Variants in ODAD2 observed in about 807,000 individuals in gnomAD.
ODAD2 encodes the protein outer dynein arm-docking complex subunit 2.
ODAD2 carries 89 observed loss-of-function variants against 106.8 expected under a neutral mutation model. That is an observed-to-expected ratio of 0.83 (90% CI 0.70 to 0.99). The LOEUF (loss-of-function observed/expected upper bound fraction) is 0.99, where lower values mean the gene tolerates loss of function less well. Ranked by LOEUF, ODAD2 falls within the 50% of genes least tolerant of loss-of-function variation. The probability of loss-of-function intolerance (pLI) is 0.00; values close to 1 mark genes in which losing one functional copy is unlikely to be tolerated. For missense variants in ODAD2, 1,168 were observed against 1,238.5 expected (o/e 0.94, Z 0.85); for synonymous variants, 404 against 436.2 (o/e 0.93, Z 0.92).
At chr10:27,861,892 A>G (rs750520389) in intron 18 of ODAD2, among the ~76,000 whole-genome samples, 1 of 152,212 alleles carries the variant, frequency 6.6e-6, no homozygotes. Context: ...TTTCTGCTCT[A>G]TGACTTTTCT....
rs958936537 is a variant in ODAD2 at position 27,934,913 on chromosome 10, C to G, written c.2495+97G>C. 2.1e-6 allele frequency: 3 copies of G among 1,405,036 alleles called. No homozygotes were observed. The South Asian group carries it at 3.9e-5, about 18-fold the overall frequency. 87.0% of individuals were successfully genotyped at this position (1,405,036 alleles called of 1,614,324 possible). A position where few individuals can be genotyped will look rare whatever the true frequency, so the allele number is the denominator to read the frequency against. ...TGACACACTGTATTTTTTCATCATT[C>G]GTGCACATCAATTCTAAGTGATGAC... On this transcript the variant is annotated intron_variant, in intron 16 of 19. Transcript: ENST00000305242.
intron 16 of ODAD2, among the ~76,000 whole-genome samples, chr10:27,908,086 G>A (rs1215145393): frequency 3.3e-5 from 5 of 151,970 alleles, no homozygotes; most frequent in Non-Finnish European, 7.4e-5. Context: ...GTAAAAATAC[G>A]GGTTTCTTTC....
intron 2 of ODAD2, among the ~76,000 whole-genome samples, chr10:27,993,974 A>ATATATATGTG (rs369833558): frequency 1.4e-4 from 20 of 140,618 alleles, no homozygotes; most frequent in East Asian, 6.3e-4. Context: ...ATATATATAT[A>ATATATATGTG]TGTGTGTGTG....
chr10:27,940,637 C>A lies in ODAD2; in HGVS notation c.1912G>T (p.Ala638Ser), dbSNP rs773189950. 3.1e-6 allele frequency: 5 copies of A among 1,613,970 alleles called. No homozygotes were observed. In the Admixed American group the frequency reaches 8.3e-5, roughly 27 times the overall value. ...TCATGAGAAGTCTTCAGCAGCCGAG[C>A]CAACAGAGGAATGCCCCCAGCTTTG... ...IRKAGGIPLL[A>S]RLLKTSHENM... Residue 638 changes from alanine (A) to serine (S), a missense_variant, in exon 13 of 20, where the codon GCT becomes TCT. Around this residue, in one of 3 missense-constraint regions of ODAD2, gnomAD observed 701 missense variants for 712.3 expected, o/e 0.98. Transcript: ENST00000305242.
intron 17 of ODAD2, among the ~76,000 whole-genome samples, chr10:27,887,304 A>G (rs901348801): frequency 6.6e-6 from 1 of 152,070 alleles, no homozygotes; most frequent in Non-Finnish European, 1.5e-5. Flanking sequence ...GGATGTAATA[A>G]TTACAAACAT....
intron 10 of ODAD2, among the ~76,000 whole-genome samples, chr10:27,951,561 G>A (rs991992664): frequency 5.9e-5 from 9 of 151,878 alleles, no homozygotes; most frequent in African/African-American, 2.2e-4. Flanking sequence ...AGAAAAAGAA[G>A]TGAAGTTAGA....
intron 10 of ODAD2, among the ~76,000 whole-genome samples, chr10:27,954,919 T>C (rs570044173): frequency 1.3e-5 from 2 of 152,188 alleles, no homozygotes; most frequent in Non-Finnish European, 2.9e-5. Flanking sequence ...ACAATATCTA[T>C]GAAAGCATAA....
chr10:27,966,310 C>A (rs1204664067), intron 9 of ODAD2, among the ~76,000 whole-genome samples: 6 of 152,122 alleles, frequency 3.9e-5, no homozygotes, highest in African/African-American at 1.4e-4. Context: ...CTCAAAGATT[C>A]CAGATTGAAG....
chr10:27,985,158 C>A lies in ODAD2; in HGVS notation c.436G>T (p.Glu146Ter). ...ILGSDYNTMK[E>*]NSIALNILGK... Reference sequence around the variant, plus strand: ...AGAATATTTAATGCAATTGAGTTTTCTTTCATTGTATTATAATCAGAGCCC... The same window carrying A: ...AGAATATTTAATGCAATTGAGTTTTATTTCATTGTATTATAATCAGAGCCC... Residue 146 changes from glutamate (E) to a stop codon, truncating the protein, a stop_gained, in exon 4 of 20, where the codon GAA becomes TAA. Transcript: ENST00000305242. LOFTEE classifies it high-confidence loss of function. 1 of 1,586,786 alleles carries A rather than the reference C, an allele frequency of 6.3e-7. No homozygotes were observed. Among genetic ancestry groups the A allele is most frequent in the Middle Eastern group, 2.3e-4 (1 of 4,434 alleles).
intron 19 of ODAD2, among the ~76,000 whole-genome samples, chr10:27,825,737 G>T (rs144474826): frequency 6.6e-6 from 1 of 152,320 alleles, no homozygotes; most frequent in East Asian, 1.9e-4. Flanking sequence ...GTTATCAGAA[G>T]CTGGAGATGT....
At chr10:27,947,233 A>T (rs1847000898) in intron 10 of ODAD2, among the ~76,000 whole-genome samples, 1 of 152,200 alleles carries the variant, frequency 6.6e-6, no homozygotes, top group Admixed American at 6.5e-5. Context: ...ATTTGGGTGC[A>T]GGAGGCTCCC....
intron 8 of ODAD2, 112 bp from the exon 9 acceptor site, chr10:27,969,130 C>A (rs75437325): frequency 0.066 from 41,889 of 633,242 alleles, 2,328 homozygotes; most frequent in East Asian, 0.3. Flanking sequence ...TCAAATGATG[C>A]GTGTTCCTGA....
At chr10:27,967,356 G>C (rs538291712) in intron 9 of ODAD2, among the ~76,000 whole-genome samples, 139 of 151,642 alleles carry the variant, frequency 9.2e-4, no homozygotes, top group African/African-American at 3.3e-3. Context: ...TGTGATATCA[G>C]TAGAGCCCAC....
At chr10:27,977,950 C>G (rs1189361781) in intron 7 of ODAD2, among the ~76,000 whole-genome samples, 1 of 152,216 alleles carries the variant, frequency 6.6e-6, no homozygotes, top group African/African-American at 2.4e-5. Flanking sequence ...ATTGCAACCA[C>G]TATGGACAGC....
At chr10:27,833,984 A>C (rs1285475748) in intron 19 of ODAD2, among the ~76,000 whole-genome samples, 4 of 152,194 alleles carry the variant, frequency 2.6e-5, no homozygotes, top group South Asian at 2.1e-4. Context: ...ACATGGCGCC[A>C]CCTTACAGGG....
At chr10:27,980,753 GA>G (rs1354941016) in intron 7 of ODAD2, among the ~76,000 whole-genome samples, 18 of 152,126 alleles carry the variant, frequency 1.2e-4, no homozygotes, top group Admixed American at 1.2e-3. Context: ...GGCCCCCGTG[GA>G]AAACAGGTTG....
intron 6 of ODAD2, chr10:27,981,817 T>C (rs1327441853): frequency 3.0e-6 from 1 of 335,712 alleles, no homozygotes. Context: ...TCAGCAAGGC[T>C]TTACTGAGTA....
intron 6 of ODAD2, among the ~76,000 whole-genome samples, chr10:27,982,841 A>G (rs1024097535): frequency 2.0e-5 from 3 of 152,164 alleles, no homozygotes; most frequent in African/African-American, 7.2e-5. Context: ...TAGGGATGAG[A>G]CTGAAAGTGT....
intron 7 of ODAD2, among the ~76,000 whole-genome samples, chr10:27,974,355 T>A (rs1265978786): frequency 6.6e-6 from 1 of 152,176 alleles, no homozygotes; most frequent in Non-Finnish European, 1.5e-5. Context: ...GTTTTTATAG[T>A]TTTGAGTTTT....
Sources: allele counts gnomAD v4.1 joint callset (sites outside exome capture counted in the v4.1 genomes callset), GRCh38; gene constraint gnomAD v4.1.1; regional missense constraint gnomAD v4.1.1; transcripts MANE v1.5; gene names NCBI Gene and HGNC (gene_info 2026-07-23, HGNC 2026-07-21).